The following ZNF560 variants were observed in gnomAD, a reference collection of about 807,000 sequenced individuals.
ZNF560 encodes zinc finger protein 560.
A neutral mutation model predicts 81.8 loss-of-function variants in ZNF560; 54 were observed. The ratio of observed to expected loss-of-function variants is 0.66; its 90% CI spans 0.53 to 0.83. The LOEUF (loss-of-function observed/expected upper bound fraction) is 0.83. ZNF560 is among the 40% of genes least tolerant of loss of function. The pLI, the probability that ZNF560 is intolerant of heterozygous loss-of-function variation, is 0.00. For synonymous variants in ZNF560, 321 were observed against 317.9 expected (o/e 1.01, Z -0.10); for missense variants, 940 against 932.4 (o/e 1.01, Z -0.11).
intron 2 of ZNF560, among the ~76,000 whole-genome samples, chr19:9,485,106 C>G (rs952206666): frequency 3.3e-5 from 5 of 152,142 alleles, no homozygotes. Context: ...CTAAAAATCT[C>G]CCATCAAACA....
the ZNF560 span, among the ~76,000 whole-genome samples, chr19:9,453,218 CAAG>C: frequency 6.6e-6 from 1 of 152,134 alleles, no homozygotes; most frequent in African/African-American, 2.4e-5. Flanking sequence ...CTCTACAAGC[CAAG>C]AAGATGCCCT....
chr19:9,470,547 G>T (rs756768801), intron 6 of ZNF560, 29 bp from the exon 7 acceptor site: 2 of 1,614,120 alleles, frequency 1.2e-6, no homozygotes, highest in Non-Finnish European at 8.5e-7. Flanking sequence ...GCTGATTTGA[G>T]CCAAGCAACA....
At chr19:9,450,117 C>T in the ZNF560 span, among the ~76,000 whole-genome samples, 1 of 151,460 alleles carries the variant, frequency 6.6e-6, no homozygotes, top group Non-Finnish European at 1.5e-5. Flanking sequence ...ATGGCGAAAC[C>T]CTGTCTCTAT....
At chr19:9,458,059 C>T in the ZNF560 span, among the ~76,000 whole-genome samples, 6 of 152,290 alleles carry the variant, frequency 3.9e-5, no homozygotes, top group Admixed American at 3.9e-4. Flanking sequence ...TACTAATTCA[C>T]GGACTTTGAC....
chr19:9,484,995 G>A lies in ZNF560; in HGVS notation c.-56-9626C>T, dbSNP rs75709033. Among the ~76,000 whole-genome samples the A allele has an allele frequency of 6.9e-3, 1,047 of 152,170 alleles. 10 individuals are homozygous for A. Among genetic ancestry groups the A allele is most frequent in the African/African-American group, 0.024 (976 of 41,514 alleles). On this transcript the variant is annotated intron_variant, in intron 2 of 9. Coordinates refer to ENST00000301480, the MANE Select transcript of ZNF560 (RefSeq NM_152476.3). ...CCAACAAACTGGATAACCTAGCAGA[G>A]ATGTACAAATTTCTAGACACACACA...
intron 2 of ZNF560, among the ~76,000 whole-genome samples, chr19:9,483,911 A>T (rs1159107010): frequency 6.6e-6 from 1 of 152,176 alleles, no homozygotes; most frequent in Non-Finnish European, 1.5e-5. Context: ...GTGTAGAAAG[A>T]AGTAGACATA....
rs748869147 is a variant in ZNF560 at position 9,467,545 on chromosome 19, C to T, written c.1402G>A (p.Ala468Thr). The T allele has an allele frequency of 6.2e-6, 10 of 1,614,132 alleles. No individual in the cohort carries two copies. Among genetic ancestry groups the T allele is most frequent in the South Asian group, 4.4e-5 (4 of 91,078 alleles). The change falls in exon 10 of 10, where the codon GCC (alanine) becomes ACC (threonine). Residue 468 changes from alanine (A) to threonine (T), a missense_variant. Transcript: ENST00000301480. Reference protein sequence around the residue: ...KPYEHKEYGKAFGTSSGVIED... With the variant: ...KPYEHKEYGKTFGTSSGVIED... The stretch of plus-strand genomic sequence containing the variant: ...ATAACACCTGAGGATGTACCAAAGG[C>T]CTTCCCATATTCCTTATGCTCATAT...
At chr19:9,506,411 GTTGTT>G in the ZNF560 span, among the ~76,000 whole-genome samples, 16 of 90,658 alleles carry the variant, frequency 1.8e-4, no homozygotes, top group Admixed American at 8.8e-4. Flanking sequence ...GCACGCTTCT[GTTGTT>G]TTTTTTTTTT....
At chr19:9,474,546 A>G (rs1252761827) in intron 3 of ZNF560, among the ~76,000 whole-genome samples, 2 of 152,176 alleles carry the variant, frequency 1.3e-5, no homozygotes, top group Non-Finnish European at 2.9e-5. Context: ...GCACATCTCA[A>G]TCATGAACTT....
chr19:9,455,099 A>T, the ZNF560 span, among the ~76,000 whole-genome samples: 1 of 152,178 alleles, frequency 6.6e-6, no homozygotes, highest in African/African-American at 2.4e-5. Context: ...GAATTCAGCA[A>T]GCTAGAAGAG....
At chr19:9,496,171 G>C (rs539885271) in intron 2 of ZNF560, among the ~76,000 whole-genome samples, 67 of 152,098 alleles carry the variant, frequency 4.4e-4, no homozygotes, top group African/African-American at 1.5e-3. Flanking sequence ...TAGGAACGTT[G>C]CCGGGGAACA....
rs1057199248 is a variant in ZNF560 at position 9,468,976 on chromosome 19, C to T, written c.612+129G>A. 2.4e-5 allele frequency: 16 copies of T among 678,742 alleles called. No homozygotes were observed. In the African/African-American group the frequency reaches 3.0e-4, roughly 13 times the overall value. The allele number at this position is 678,742 out of a possible 1,614,324, so 42.0% of individuals were successfully genotyped here. On this transcript the variant is annotated intron_variant, in intron 9 of 9. Transcript: ENST00000301480. ...AACTCCTGACCTCATGATCCGCCTGCCTCAGCCTCCCAAAGTGCTGGGATT... is the reference window on the plus strand; with the variant it reads ...AACTCCTGACCTCATGATCCGCCTGTCTCAGCCTCCCAAAGTGCTGGGATT...
rs1235488129 is a variant in ZNF560 at position 9,496,584 on chromosome 19, G to GA, written c.-57+1543dup. Among the ~76,000 whole-genome samples the GA allele has an allele frequency of 3.2e-3, 191 of 58,910 alleles. 1 individual carries two copies. Among genetic ancestry groups the GA allele is most frequent in the African/African-American group, 9.3e-3 (134 of 14,480 alleles). The allele number at this position is 58,910 out of a possible 152,430, so 38.6% of individuals were successfully genotyped here. A position where few individuals can be genotyped will look rare whatever the true frequency, so the allele number is the denominator to read the frequency against. On this transcript the variant is annotated intron_variant, in intron 2 of 9. Transcript: ENST00000301480. Reference sequence around the variant, plus strand: ...TGTGTTCAATAAAAAGCTGAACTTGGAAAAAAAAAAGGTGGGGGTGGGGGG... The same window carrying GA: ...TGTGTTCAATAAAAAGCTGAACTTGGAAAAAAAAAAAGGTGGGGGTGGGGGG...
At chr19:9,477,573 GTTCAGAGTTCTGCCC>G (rs1568457856) in intron 2 of ZNF560, among the ~76,000 whole-genome samples, 1 of 152,196 alleles carries the variant, frequency 6.6e-6, no homozygotes. Flanking sequence ...TGAAGTTAGC[GTTCAGAGTTCTGCCC>G]ATTGCTCCTG....
At chr19:9,465,407 A>G (rs1050093375), downstream of ZNF560, among the ~76,000 whole-genome samples, 6 of 152,242 alleles carry the variant, frequency 3.9e-5, no homozygotes, top group African/African-American at 1.4e-4. Context: ...CAAAGTGCTG[A>G]GATTATAGGC....
intron 2 of ZNF560, among the ~76,000 whole-genome samples, chr19:9,478,519 G>A (rs894991755): frequency 6.6e-6 from 1 of 152,138 alleles, no homozygotes; most frequent in African/African-American, 2.4e-5. Context: ...TGTAATGGTG[G>A]TTTATAAATG....
the ZNF560 span, among the ~76,000 whole-genome samples, chr19:9,450,728 C>G: frequency 6.6e-6 from 1 of 151,988 alleles, no homozygotes; most frequent in African/African-American, 2.4e-5. Context: ...CAGGGTTTCA[C>G]CATGTTGCCC....
At chr19:9,474,459 C>G (rs1308237244) in intron 3 of ZNF560, 134 bp from the exon 4 acceptor site, 4 of 968,368 alleles carry the variant, frequency 4.1e-6, no homozygotes. Context: ...CTTAATAATC[C>G]CAGGTAAATC....
At chr19:9,446,599 C>T in the ZNF560 span, among the ~76,000 whole-genome samples, 1 of 152,136 alleles carries the variant, frequency 6.6e-6, no homozygotes, top group African/African-American at 2.4e-5. Flanking sequence ...ACAGTTTCCT[C>T]CTAATCAAGA....
Sources: gnomAD v4.1 joint callset for allele counts (sites outside exome capture counted in the v4.1 genomes callset) on GRCh38, gnomAD v4.1.1 for gene constraint, MANE v1.5 for transcripts, NCBI Gene and HGNC (gene_info 2026-07-23, HGNC 2026-07-21) for gene names.